The following PLPP4 variants were observed in gnomAD, a reference collection of about 807,000 sequenced individuals.
PLPP4 encodes phospholipid phosphatase 4, also known as diacylglycerol pyrophosphate like 2.
A neutral mutation model predicts 32.2 loss-of-function variants in PLPP4; 20 were observed. That is an observed-to-expected ratio of 0.62 (90% CI 0.44 to 0.90). PLPP4 has a LOEUF of 0.90. Ranked by LOEUF, PLPP4 falls within the 40% of genes least tolerant of loss-of-function variation. PLPP4 has a pLI of 0.00. For synonymous variants in PLPP4, 127 were observed against 133.0 expected (o/e 0.95, Z 0.31); for missense variants, 257 against 353.1 (o/e 0.73, Z 2.18).
intron 6 of PLPP4, among the ~76,000 whole-genome samples, chr10:120,584,075 G>C (rs1849643215): frequency 1.3e-5 from 2 of 152,046 alleles, no homozygotes; most frequent in South Asian, 4.2e-4. Flanking sequence ...TTAAAAGATG[G>C]GTCTATCTTC....
In PLPP4 at chr10:120,494,048, G is replaced by C. The variant is rs568508715; in HGVS notation, c.57-9770G>C. 4.2e-4 allele frequency among the ~76,000 whole-genome samples: 64 copies of C among 152,266 alleles called. 2 individuals are homozygous for C. In the South Asian group the frequency reaches 9.3e-3, roughly 22 times the overall value. The stretch of plus-strand genomic sequence containing the variant: ...TCTGAGATAAGCAGAAACTGTGCCT[G>C]GTCATATCAATAAGAAATGTTGTTT... On this transcript the variant is annotated intron_variant, in intron 1 of 6. Coordinates refer to ENST00000398250, the MANE Select transcript of PLPP4 (RefSeq NM_001030059.3).
chr10:120,556,291 T>C, intron 5 of PLPP4, among the ~76,000 whole-genome samples: 1 of 152,226 alleles, frequency 6.6e-6, no homozygotes, highest in South Asian at 2.1e-4. Flanking sequence ...CTTCTAGTCC[T>C]GTATTTTTTG....
chr10:120,534,638 T>G (rs995164587), intron 5 of PLPP4, among the ~76,000 whole-genome samples: 1 of 152,116 alleles, frequency 6.6e-6, no homozygotes, highest in Non-Finnish European at 1.5e-5. Context: ...TTTCTCTTCT[T>G]TTTTCCTTCT....
chr10:120,548,474 T>C (rs1847738421), intron 5 of PLPP4, among the ~76,000 whole-genome samples: 1 of 152,192 alleles, frequency 6.6e-6, no homozygotes, highest in African/African-American at 2.4e-5. Context: ...TTATCCAGTC[T>C]ACCACTGATG....
Position 120,502,769 on chromosome 10 carries a change from G to C in PLPP4, c.57-1049G>C, listed in dbSNP as rs146550454. On this transcript the variant is annotated intron_variant, in intron 1 of 6. Transcript: ENST00000398250. The stretch of plus-strand genomic sequence containing the variant: ...CTGTTCTGGTTTGCTCAAGACTGAG[G>C]GGTTTCCTGGGATATAGGACTTTTG... Among the ~76,000 whole-genome samples, 74 of 152,270 alleles carry C rather than the reference G, an allele frequency of 4.9e-4. 2 individuals carry two copies. The East Asian group carries it at 0.014, about 28-fold the overall frequency.
chr10:120,550,674 A>G (rs962866148), intron 5 of PLPP4, among the ~76,000 whole-genome samples: 7 of 152,016 alleles, frequency 4.6e-5, no homozygotes, highest in African/African-American at 1.7e-4. Flanking sequence ...ATTAAAATCA[A>G]TGATATTAGA....
intron 3 of PLPP4, among the ~76,000 whole-genome samples, chr10:120,518,057 C>T (rs1846004043): frequency 6.6e-6 from 1 of 152,146 alleles, no homozygotes; most frequent in African/African-American, 2.4e-5. Flanking sequence ...CTGCCTTTTA[C>T]GCACTCTCGA....
At chr10:120,537,524 G>A (rs1847085416) in intron 5 of PLPP4, among the ~76,000 whole-genome samples, 2 of 152,218 alleles carry the variant, frequency 1.3e-5, no homozygotes, top group Non-Finnish European at 2.9e-5. Context: ...TTAGAAAGTT[G>A]ATTGCCAGGA....
At chr10:120,547,828 C>A (rs915478115) in intron 5 of PLPP4, among the ~76,000 whole-genome samples, 1 of 152,088 alleles carries the variant, frequency 6.6e-6, no homozygotes, top group African/African-American at 2.4e-5. Context: ...TGAGTTGAAT[C>A]CAAAATAGCT....
chr10:120,589,366 C>T lies in PLPP4; in HGVS notation c.680C>T (p.Pro227Leu). 1.2e-6 allele frequency: 2 copies of T among 1,614,162 alleles called. No individual in the cohort carries two copies. Among genetic ancestry groups the T allele is most frequent in the Non-Finnish European group, 1.7e-6 (2 of 1,180,034 alleles). ...FAYICYRQHYPPLANTACHKP... is the reference protein window; with the variant it reads ...FAYICYRQHYLPLANTACHKP... ...TACATTTGCTACAGACAGCACTATC[C>T]TCCTCTGGCCAACACAGCTTGCCAT... The change falls in exon 7 of 7, where the codon CCT becomes CTT. Residue 227 changes from proline (P) to leucine (L), a missense_variant. By Grantham distance (98) the Pro-to-Leu change is moderately conservative. Coordinates refer to ENST00000398250, the MANE Select transcript of PLPP4 (RefSeq NM_001030059.3).
intron 2 of PLPP4, among the ~76,000 whole-genome samples, chr10:120,509,137 G>T (rs1231539708): frequency 6.6e-6 from 1 of 152,196 alleles, no homozygotes; most frequent in African/African-American, 2.4e-5. Context: ...CATCAGATGG[G>T]GGTGACAGAC....
intron 1 of PLPP4, among the ~76,000 whole-genome samples, chr10:120,498,668 C>A (rs28723557): frequency 8.1e-6 from 1 of 122,966 alleles, no homozygotes; most frequent in South Asian, 2.6e-4. Flanking sequence ...TTTTTTTTTT[C>A]TTTTTTTTTT....
intron 5 of PLPP4, among the ~76,000 whole-genome samples, chr10:120,567,361 T>A (rs1415587160): frequency 2.6e-5 from 4 of 152,188 alleles, no homozygotes; most frequent in Non-Finnish European, 5.9e-5. Context: ...CACCTTTTAT[T>A]TGTATGTTGA....
intron 6 of PLPP4, among the ~76,000 whole-genome samples, chr10:120,579,309 A>G (rs765429353): frequency 2.6e-4 from 39 of 152,306 alleles, no homozygotes; most frequent in Middle Eastern, 3.4e-3. Context: ...ATCTAGGGAA[A>G]CAGGTCTCAA....
At chr10:120,543,369 G>A (rs1164976184) in intron 5 of PLPP4, among the ~76,000 whole-genome samples, 1 of 152,154 alleles carries the variant, frequency 6.6e-6, no homozygotes, top group African/African-American at 2.4e-5. Context: ...TGTTATGGTT[G>A]GCCTGTTACC....
At chr10:120,558,407 CTTTCT>C (rs886981209) in intron 5 of PLPP4, among the ~76,000 whole-genome samples, 2 of 134,330 alleles carry the variant, frequency 1.5e-5, no homozygotes, top group African/African-American at 5.3e-5. Context: ...TCTTTTCTTT[CTTTCT>C]TTTTTTTTTT....
At chr10:120,538,052 C>CTCTGTGTG (rs1847142984) in intron 5 of PLPP4, among the ~76,000 whole-genome samples, 6 of 18,994 alleles carry the variant, frequency 3.2e-4, no homozygotes, top group Non-Finnish European at 4.8e-4. Flanking sequence ...CTCTCTCTCT[C>CTCTGTGTG]TGTGTGTGTG....
At chr10:120,492,964 C>T (rs1347558713) in intron 1 of PLPP4, among the ~76,000 whole-genome samples, 1 of 152,106 alleles carries the variant, frequency 6.6e-6, no homozygotes, top group Non-Finnish European at 1.5e-5. Flanking sequence ...CCTGAGGTTC[C>T]TAAACCCCCC....
Position 120,591,049 on chromosome 10 carries a change from G to A in PLPP4, c.*1547G>A, listed in dbSNP as rs546463538. Among the ~76,000 whole-genome samples, 12 of 152,252 alleles carry A rather than the reference G, an allele frequency of 7.9e-5. 1 individual carries two copies. The highest frequency in any genetic ancestry group is 1.9e-4 in the African/African-American group (8 of 41,542). On this transcript the variant is annotated 3_prime_UTR_variant, in exon 7 of 7. Transcript: ENST00000398250. Reference sequence around the variant, plus strand: ...CTCCCAAAGTGCTGGGATTATAAGCGTGAGCCACTGCACCTGGCCAAGAGT... The same window carrying A: ...CTCCCAAAGTGCTGGGATTATAAGCATGAGCCACTGCACCTGGCCAAGAGT...
Sources: allele counts gnomAD v4.1 joint callset (sites outside exome capture counted in the v4.1 genomes callset), GRCh38; gene constraint gnomAD v4.1.1; transcripts MANE v1.5; gene names NCBI Gene and HGNC (gene_info 2026-07-23, HGNC 2026-07-21).